The following ERBB4 variants were observed in gnomAD, a reference collection of about 807,000 sequenced individuals.
The protein encoded by ERBB4 is erb-b2 receptor tyrosine kinase 4, also known as receptor tyrosine-protein kinase erbB-4.
Under a neutral mutation model 158.0 loss-of-function variants are expected in ERBB4, and 42 were observed. That is an observed-to-expected ratio of 0.27 (90% CI 0.21 to 0.34). The LOEUF (loss-of-function observed/expected upper bound fraction) is 0.34, where lower values mean the gene tolerates loss of function less well. Among genes scored for constraint, ERBB4 ranks in the 10% least tolerant of loss-of-function variants. The pLI is 1.00. For synonymous variants in ERBB4, 583 were observed against 558.7 expected (o/e 1.04, Z -0.61); for missense variants, 1,333 against 1,624.1 (o/e 0.82, Z 3.08).
chr2:211,678,191 T>C (rs751211334), intron 13 of ERBB4, among the ~76,000 whole-genome samples: 40 of 151,804 alleles, frequency 2.6e-4, no homozygotes, highest in Non-Finnish European at 4.9e-4. Context: ...CCACTTCAAA[T>C]AGAAACTACA....
At chr2:212,240,664 A>AAAAAAAC (rs1559823336) in intron 1 of ERBB4, among the ~76,000 whole-genome samples, 4 of 148,234 alleles carry the variant, frequency 2.7e-5, no homozygotes, top group African/African-American at 1.0e-4. Context: ...AAAAAAAAAA[A>AAAAAAAC]AAACAGAAAA....
At chr2:211,905,738 G>GTATATATATATATATATATATA (rs1469524984) in intron 3 of ERBB4, among the ~76,000 whole-genome samples, 7 of 108,236 alleles carry the variant, frequency 6.5e-5, no homozygotes, top group African/African-American at 2.3e-4. Context: ...GTGTGTGCAT[G>GTATATATATATATATATATATA]TGTGTGTATA....
intron 20 of ERBB4, among the ~76,000 whole-genome samples, chr2:211,510,864 C>G (rs2065868481): frequency 6.6e-6 from 1 of 151,796 alleles, no homozygotes; most frequent in Non-Finnish European, 1.5e-5. Flanking sequence ...TTCCTTTTGT[C>G]CTGACGTAGC....
intron 1 of ERBB4, among the ~76,000 whole-genome samples, chr2:212,172,046 T>C (rs2125673680): frequency 6.6e-6 from 1 of 152,094 alleles, no homozygotes; most frequent in African/African-American, 2.4e-5. Flanking sequence ...ATACCTAGCA[T>C]CTCTAAGGAA....
At chr2:212,272,747 T>A (rs1323745610) in intron 1 of ERBB4, among the ~76,000 whole-genome samples, 3 of 151,824 alleles carry the variant, frequency 2.0e-5, no homozygotes, top group Non-Finnish European at 2.9e-5. Flanking sequence ...TACTTTTTTC[T>A]TTGCGTAGAA....
At chr2:211,557,267 G>A (rs2067259870) in intron 20 of ERBB4, among the ~76,000 whole-genome samples, 1 of 151,966 alleles carries the variant, frequency 6.6e-6, no homozygotes, top group Admixed American at 6.6e-5. Flanking sequence ...TGACAAGTGG[G>A]GTCTAATTAA....
chr2:211,715,774 C>A (rs2073875569), intron 7 of ERBB4, among the ~76,000 whole-genome samples: 1 of 152,134 alleles, frequency 6.6e-6, no homozygotes, highest in South Asian at 2.1e-4. Context: ...TCTCCAGAAC[C>A]CCTCATGCTT....
chr2:212,482,137 T>G (rs2106163505), intron 1 of ERBB4, among the ~76,000 whole-genome samples: 1 of 152,354 alleles, frequency 6.6e-6, no homozygotes, highest in East Asian at 1.9e-4. Context: ...CTACAGACTT[T>G]CAATTCATAA....
chr2:211,839,139 G>C (rs1391701364), intron 3 of ERBB4, among the ~76,000 whole-genome samples: 1 of 127,330 alleles, frequency 7.9e-6, no homozygotes, highest in Non-Finnish European at 1.7e-5. Flanking sequence ...GAGAGGGAGA[G>C]AGGGAGAGAG....
intron 3 of ERBB4, among the ~76,000 whole-genome samples, chr2:211,944,179 A>AGTG (rs1559154523): frequency 3.7e-4 from 2 of 5,412 alleles, no homozygotes; most frequent in Non-Finnish European, 7.3e-4. Context: ...TATATATACT[A>AGTG]TATATATATA....
chr2:212,509,365 A>G (rs1043467351), intron 1 of ERBB4, among the ~76,000 whole-genome samples: 5 of 152,072 alleles, frequency 3.3e-5, no homozygotes, highest in African/African-American at 1.2e-4. Flanking sequence ...TTTCGTACAT[A>G]AGTGATACTA....
At chr2:211,396,810 G>A (rs200269185) in intron 25 of ERBB4, among the ~76,000 whole-genome samples, 1 of 152,160 alleles carries the variant, frequency 6.6e-6, no homozygotes, top group African/African-American at 2.4e-5. Context: ...GCTAGTTTAT[G>A]CAAACTGTTT....
rs1183908018 is a variant in ERBB4, at chr2:212,508,395, T to G, written c.82+30054A>C. 3.3e-5 allele frequency among the ~76,000 whole-genome samples: 5 copies of G among 152,130 alleles called. No individual in the cohort carries two copies. The East Asian group carries it at 9.6e-4, about 29-fold the overall frequency. ...GACCAGGCCATACACAAAAACAAAC[T>G]AATAAATATAAATTACTTATGGGTT... On this transcript the variant is annotated intron_variant, in intron 1 of 27. Coordinates refer to ENST00000342788, the MANE Select transcript of ERBB4 (RefSeq NM_005235.3).
At chr2:212,037,230 A>G (rs968931707) in intron 2 of ERBB4, among the ~76,000 whole-genome samples, 2 of 152,178 alleles carry the variant, frequency 1.3e-5, no homozygotes, top group Non-Finnish European at 2.9e-5. Flanking sequence ...AAAGTGTAGA[A>G]GGGGAAGTTG....
chr2:211,977,960 C>T (rs1210182431), intron 2 of ERBB4, among the ~76,000 whole-genome samples: 1 of 149,636 alleles, frequency 6.7e-6, no homozygotes, highest in African/African-American at 2.5e-5. Flanking sequence ...CTATTTCAAA[C>T]ATGCCTATCC....
intron 14 of ERBB4, among the ~76,000 whole-genome samples, 167 bp downstream of exon 14, chr2:211,672,997 A>AT (rs982792366): frequency 4.6e-5 from 7 of 152,290 alleles, no homozygotes; most frequent in African/African-American, 1.7e-4. Context: ...CTTTTTAACT[A>AT]TTTTATCTCT....
chr2:211,532,989 T>A (rs1398701315), intron 20 of ERBB4, among the ~76,000 whole-genome samples: 4 of 149,034 alleles, frequency 2.7e-5, no homozygotes, highest in African/African-American at 9.8e-5. Flanking sequence ...TATATTTCTT[T>A]TATTTAAAAT....
chr2:212,312,068 G>A (rs2087068425), intron 1 of ERBB4, among the ~76,000 whole-genome samples: 2 of 150,958 alleles, frequency 1.3e-5, no homozygotes, highest in African/African-American at 4.8e-5. Flanking sequence ...GTTGTACTCT[G>A]AAGAAAGCGA....
intron 20 of ERBB4, among the ~76,000 whole-genome samples, chr2:211,463,907 C>CACGTTG (rs1401260855): frequency 3.3e-5 from 5 of 152,162 alleles, no homozygotes; most frequent in African/African-American, 1.2e-4. Flanking sequence ...TGTAGCCACA[C>CACGTTG]AGGCCTCCTT....
Sources: gnomAD v4.1 joint callset for allele counts (sites outside exome capture counted in the v4.1 genomes callset) on GRCh38, gnomAD v4.1.1 for gene constraint, MANE v1.5 for transcripts, NCBI Gene and HGNC (gene_info 2026-07-23, HGNC 2026-07-21) for gene names.